The following PIK3AP1 variants were observed in gnomAD, a reference collection of about 807,000 sequenced individuals.
PIK3AP1 encodes the protein phosphoinositide 3-kinase adapter protein 1.
Under a neutral mutation model 88.1 loss-of-function variants are expected in PIK3AP1, and 21 were observed. The ratio of observed to expected loss-of-function variants is 0.24; its 90% CI spans 0.17 to 0.34. PIK3AP1 has a LOEUF of 0.34. Among genes scored for constraint, PIK3AP1 ranks in the 10% least tolerant of loss-of-function variants. The pLI is 1.00. For missense variants in PIK3AP1, 828 were observed against 1,035.7 expected (o/e 0.80, Z 2.75); for synonymous variants, 398 against 400.0 (o/e 1.00, Z 0.06).
At chr10:96,684,969 T>C (rs1002733074) in intron 2 of PIK3AP1, among the ~76,000 whole-genome samples, 5 of 152,168 alleles carry the variant, frequency 3.3e-5, no homozygotes, top group African/African-American at 7.2e-5. Context: ...TTTGTTTGTG[T>C]TTGCTTTTTT....
At chr10:96,687,521 C>T (rs2134269999) in intron 2 of PIK3AP1, among the ~76,000 whole-genome samples, 1 of 152,290 alleles carries the variant, frequency 6.6e-6, no homozygotes. Context: ...GCCCAACCCT[C>T]CTCCAAAATT....
At chr10:96,600,818 C>T (rs11188848) in intron 16 of PIK3AP1, among the ~76,000 whole-genome samples, 36,272 of 152,108 alleles carry the variant, frequency 0.24, 4,950 homozygotes, top group African/African-American at 0.36. Flanking sequence ...AACACATGAA[C>T]ATTTTATTTT....
rs781165271 is a variant in PIK3AP1, at chr10:96,594,203, T to C, written c.*1374A>G. 2 of 152,144 alleles carry C rather than the reference T, an allele frequency of 1.3e-5. No individual in the cohort carries two copies. The highest frequency in any genetic ancestry group is 2.9e-5 in the Non-Finnish European group (2 of 68,028). 9.4% of individuals were successfully genotyped at this position (152,144 alleles called of 1,614,324 possible). Reference sequence around the variant, plus strand: ...CTGAGCATGGTGGTAATAATAAGTATGTAAAAAATAGATAACTACAGTCGT... The same window carrying C: ...CTGAGCATGGTGGTAATAATAAGTACGTAAAAAATAGATAACTACAGTCGT... On this transcript the variant is annotated 3_prime_UTR_variant, in exon 17 of 17. Transcript: ENST00000339364. This position sits in a 1 kb window ranked among gnomAD's most constrained non-coding sequence, Gnocchi z 4.6.
intron 16 of PIK3AP1, among the ~76,000 whole-genome samples, chr10:96,602,050 A>AT (rs1400556556): frequency 6.6e-6 from 1 of 152,038 alleles, no homozygotes; most frequent in Non-Finnish European, 1.5e-5. Context: ...TGCTCGGCTA[A>AT]TTTTTTGTAT....
At chr10:96,620,291 C>A in intron 12 of PIK3AP1, 61 bp downstream of exon 12, 1 of 1,546,044 alleles carries the variant, frequency 6.5e-7, no homozygotes, top group Non-Finnish European at 8.9e-7. Context: ...CATGGCCCAG[C>A]CCTCCTCTAC....
chr10:96,687,255 CAAAAAAAAAAAAA>C (rs59631566), intron 2 of PIK3AP1, among the ~76,000 whole-genome samples: 9 of 55,332 alleles, frequency 1.6e-4, no homozygotes, highest in African/African-American at 3.0e-4. Context: ...TACTCCATCT[CAAAAAAAAAAAAA>C]AAAAAAAAAA....
At chr10:96,642,199 C>T (rs566572497) in intron 8 of PIK3AP1, among the ~76,000 whole-genome samples, 8 of 152,212 alleles carry the variant, frequency 5.3e-5, no homozygotes, top group South Asian at 2.1e-4. Flanking sequence ...CCAAAGCAGA[C>T]GGATTGCTTG....
At chr10:96,649,087 C>A (rs1398046239) in intron 6 of PIK3AP1, among the ~76,000 whole-genome samples, 1 of 152,150 alleles carries the variant, frequency 6.6e-6, no homozygotes, top group Non-Finnish European at 1.5e-5. Context: ...CACTCTGTCA[C>A]CCAGGCTGGA....
At chr10:96,706,364 A>T (rs1164188308) in intron 2 of PIK3AP1, among the ~76,000 whole-genome samples, 3 of 152,188 alleles carry the variant, frequency 2.0e-5, no homozygotes, top group Non-Finnish European at 4.4e-5. Flanking sequence ...TGTATGCAAG[A>T]GGAGTATTTT....
At chr10:96,674,282 G>A (rs1156675780) in intron 2 of PIK3AP1, among the ~76,000 whole-genome samples, 2 of 152,164 alleles carry the variant, frequency 1.3e-5, no homozygotes, top group Non-Finnish European at 2.9e-5. Context: ...TTCTGGAAAA[G>A]CACATTCAGC....
chr10:96,630,732 A>G (rs952362136), intron 8 of PIK3AP1, among the ~76,000 whole-genome samples: 6 of 151,984 alleles, frequency 3.9e-5, no homozygotes, highest in African/African-American at 1.2e-4. Context: ...AGCCCCATCT[A>G]TTCAGGAGGC....
intron 2 of PIK3AP1, among the ~76,000 whole-genome samples, chr10:96,677,580 C>T (rs1843941095): frequency 1.3e-5 from 1 of 79,634 alleles, no homozygotes; most frequent in Admixed American, 1.2e-4. Context: ...TAAGCACATA[C>T]ACACACACAC....
At chr10:96,698,763 AAAT>A (rs1433180308) in intron 2 of PIK3AP1, among the ~76,000 whole-genome samples, 1 of 152,062 alleles carries the variant, frequency 6.6e-6, no homozygotes, top group African/African-American at 2.4e-5. Context: ...TAAGTAAAAT[AAAT>A]AAAGCAGTGT....
At chr10:96,602,473 A>G (rs1848916526) in intron 15 of PIK3AP1, 75 bp from the exon 16 acceptor site, 2 of 1,311,374 alleles carry the variant, frequency 1.5e-6, no homozygotes, top group South Asian at 1.2e-5. Context: ...CCGTAACTCA[A>G]AAGCCCCTTG....
At chr10:96,633,557 C>CTAATATTAT (rs1282985058) in intron 8 of PIK3AP1, among the ~76,000 whole-genome samples, 2 of 152,154 alleles carry the variant, frequency 1.3e-5, no homozygotes, top group African/African-American at 4.8e-5. Flanking sequence ...GGAATGCTAG[C>CTAATATTAT]TACTATTATT....
Position 96,620,535 on chromosome 10 carries a change from C to T in PIK3AP1, c.1758G>A (p.Arg586=). The change falls in exon 12 of 17, where the codon AGG becomes AGA. Residue 586 remains arginine, a synonymous_variant. Transcript: ENST00000339364. The part of the protein sequence containing the change: ...IRKGPPVRPW[R]DRPQSSIYDP... ...CATATATACTCGACTGGGGCCTGTC[C>T]CTCCATGGTCTGACGGGCGGCCCTG... 1.2e-6 allele frequency: 2 copies of T among 1,612,986 alleles called. No individual in the cohort carries two copies. Among genetic ancestry groups the T allele is most frequent in the Non-Finnish European group, 1.7e-6 (2 of 1,179,984 alleles).
In PIK3AP1 at chr10:96,645,523, T is replaced by A; in HGVS notation, c.1325A>T (p.Asp442Val). 1 of 1,614,080 alleles carries A rather than the reference T, an allele frequency of 6.2e-7. No homozygotes were observed. The highest frequency in any genetic ancestry group is 8.5e-7 in the Non-Finnish European group (1 of 1,179,994). Residue 442 changes from aspartate to valine, a missense_variant, in exon 8 of 17, where the codon GAT becomes GTT. Asp to Val is a radical substitution (Grantham distance 152, BLOSUM62 -3). Around this residue, in one of 3 missense-constraint regions of PIK3AP1, gnomAD observed 610 missense variants for 760.1 expected, o/e 0.80. Coordinates refer to ENST00000339364, the MANE Select transcript of PIK3AP1 (RefSeq NM_152309.3). Reference sequence around the variant, plus strand: ...AAAGGCAGCCATGGACTCATAGAGATCCTCGTCACAGCCGGGGTTGAGCGA... The same window carrying A: ...AAAGGCAGCCATGGACTCATAGAGAACCTCGTCACAGCCGGGGTTGAGCGA... ...KCSLNPGCDE[D>V]LYESMAAFVP...
chr10:96,645,624 T>C lies in PIK3AP1; in HGVS notation c.1224A>G (p.Glu408=), dbSNP rs1843448749. The C allele has an allele frequency of 1.2e-6, 2 of 1,610,180 alleles. No individual in the cohort carries two copies. Among genetic ancestry groups the C allele is most frequent in the Admixed American group, 3.4e-5 (2 of 59,490 alleles). The change falls in exon 8 of 17, where the codon GAA becomes GAG. Residue 408 remains glutamate, a synonymous_variant. Transcript: ENST00000339364. ...CATCAGCCTCCTCCCCGTGCATCAG[T>C]TCCTCTTTAATGTGACTCTTGAGCA... ...VDMLKSHIKE[E]LMHGEEADAV...
chr10:96,658,444 T>C (rs913624190), intron 2 of PIK3AP1, among the ~76,000 whole-genome samples: 3 of 152,150 alleles, frequency 2.0e-5, no homozygotes, highest in African/African-American at 7.2e-5. Flanking sequence ...AGGAAGAGGC[T>C]GTGCTTCCAC....
Sources: gnomAD v4.1 joint callset for allele counts (sites outside exome capture counted in the v4.1 genomes callset) on GRCh38, gnomAD v4.1.1 for gene constraint, gnomAD v4.1.1 regional missense constraint, Gnocchi (gnomAD v3.1) non-coding constraint, MANE v1.5 for transcripts, NCBI Gene and HGNC (gene_info 2026-07-23, HGNC 2026-07-21) for gene names.